Variants in GALNT13 observed in about 807,000 individuals in gnomAD.
The protein encoded by GALNT13 is polypeptide N-acetylgalactosaminyltransferase 13.
A neutral mutation model predicts 64.2 loss-of-function variants in GALNT13; 28 were observed. That is an observed-to-expected ratio of 0.44 (90% CI 0.32 to 0.60). The LOEUF (loss-of-function observed/expected upper bound fraction) is 0.60, where lower values mean the gene tolerates loss of function less well. GALNT13 is among the 20% of genes least tolerant of loss of function. GALNT13 has a pLI of 0.05. For synonymous variants in GALNT13, 214 were observed against 224.6 expected (o/e 0.95, Z 0.42); for missense variants, 577 against 669.8 (o/e 0.86, Z 1.53).
At chr2:153,419,958 A>C in the GALNT13 span, among the ~76,000 whole-genome samples, 1 of 152,196 alleles carries the variant, frequency 6.6e-6, no homozygotes, top group East Asian at 1.9e-4. Context: ...CAACAGACCT[A>C]CCTAAAACAT....
the GALNT13 span, among the ~76,000 whole-genome samples, chr2:153,652,877 C>T: frequency 6.6e-6 from 1 of 151,998 alleles, no homozygotes; most frequent in East Asian, 1.9e-4. Flanking sequence ...GTAAAAAGTT[C>T]ATAGAAAATA....
chr2:153,350,312 T>C, the GALNT13 span, among the ~76,000 whole-genome samples: 2 of 152,158 alleles, frequency 1.3e-5, no homozygotes, highest in African/African-American at 4.8e-5. Context: ...AACGTGTTAG[T>C]AAGTACTTTT....
chr2:153,509,356 G>A, the GALNT13 span, among the ~76,000 whole-genome samples: 3 of 152,226 alleles, frequency 2.0e-5, no homozygotes, highest in Non-Finnish European at 4.4e-5. Flanking sequence ...CCAGTTCCAC[G>A]GAGTGCGCAG....
At chr2:153,984,649 G>A (rs577196494) in intron 3 of GALNT13, among the ~76,000 whole-genome samples, 11 of 151,786 alleles carry the variant, frequency 7.2e-5, no homozygotes, top group African/African-American at 1.9e-4. Context: ...GCATTATGAT[G>A]TGTTTTGACA....
the GALNT13 span, among the ~76,000 whole-genome samples, chr2:153,504,560 C>G: frequency 6.6e-6 from 1 of 152,114 alleles, no homozygotes; most frequent in Non-Finnish European, 1.5e-5. Context: ...TATGTCCCTT[C>G]TATGCCGATT....
At chr2:154,394,967 T>C (rs1698988763) in intron 9 of GALNT13, among the ~76,000 whole-genome samples, 1 of 152,196 alleles carries the variant, frequency 6.6e-6, no homozygotes, top group Admixed American at 6.5e-5. Flanking sequence ...TGGAAAATAG[T>C]GGCTTGGTAA....
chr2:153,111,793 T>C, the GALNT13 span, among the ~76,000 whole-genome samples: 8 of 152,146 alleles, frequency 5.3e-5, no homozygotes, highest in African/African-American at 1.7e-4. Flanking sequence ...TGTCCCTCCT[T>C]GTCTTCCCTC....
At position 154,145,119 on chromosome 2, in the gene GALNT13, T is replaced by C. The variant is rs186180039; in HGVS notation, c.311+4614T>C. 8.4e-4 allele frequency among the ~76,000 whole-genome samples: 115 copies of C among 137,260 alleles called. 1 individual carries two copies. The highest frequency in any genetic ancestry group is 2.2e-3 in the African/African-American group (79 of 36,490). The allele number at this position is 137,260 out of a possible 152,430, so 90.0% of individuals were successfully genotyped here. A position where few individuals can be genotyped will look rare whatever the true frequency, so the allele number is the denominator to read the frequency against. On this transcript the variant is annotated intron_variant, in intron 4 of 12. Coordinates refer to ENST00000392825, the MANE Select transcript of GALNT13 (RefSeq NM_052917.4). Reference sequence around the variant, plus strand: ...ATCTATCTATATATATATATATATATACACACACTAAAAATTTACATATAA... The same window carrying C: ...ATCTATCTATATATATATATATATACACACACACTAAAAATTTACATATAA...
the GALNT13 span, among the ~76,000 whole-genome samples, chr2:153,851,137 A>G: frequency 6.6e-6 from 1 of 152,228 alleles, no homozygotes; most frequent in Non-Finnish European, 1.5e-5. Context: ...TAAGTGATAG[A>G]AAAATCTCAA....
chr2:153,409,328 A>ATATGTATATGTATATATTCC, the GALNT13 span, among the ~76,000 whole-genome samples: 1 of 147,138 alleles, frequency 6.8e-6, no homozygotes, highest in Non-Finnish European at 1.5e-5. Flanking sequence ...GTATATATTC[A>ATATGTATATGTATATATTCC]TATGTATATG....
the GALNT13 span, among the ~76,000 whole-genome samples, chr2:153,512,815 G>T: frequency 6.6e-6 from 1 of 151,972 alleles, no homozygotes; most frequent in South Asian, 2.1e-4. Context: ...TGCGTTTAGG[G>T]GACAGAAAAA....
chr2:153,166,252 A>G, the GALNT13 span, among the ~76,000 whole-genome samples: 1 of 152,180 alleles, frequency 6.6e-6, no homozygotes, highest in African/African-American at 2.4e-5. Flanking sequence ...CTTCTAATCA[A>G]TACAATAGAG....
the GALNT13 span, among the ~76,000 whole-genome samples, chr2:153,535,897 T>C: frequency 6.6e-6 from 1 of 152,126 alleles, no homozygotes; most frequent in African/African-American, 2.4e-5. Flanking sequence ...GACTTAAGTC[T>C]CACAGAAGGG....
the GALNT13 span, among the ~76,000 whole-genome samples, chr2:153,292,404 A>G: frequency 2.0e-5 from 3 of 152,218 alleles, no homozygotes; most frequent in East Asian, 1.9e-4. Context: ...TATAATAACA[A>G]TGCCCTTCCG....
At chr2:153,231,997 T>C in the GALNT13 span, among the ~76,000 whole-genome samples, 1 of 152,186 alleles carries the variant, frequency 6.6e-6, no homozygotes, top group African/African-American at 2.4e-5. Flanking sequence ...GGTTTTGAAC[T>C]GCTGGAAAAA....
the GALNT13 span, among the ~76,000 whole-genome samples, chr2:153,853,369 A>C: frequency 1.3e-5 from 2 of 152,272 alleles, no homozygotes; most frequent in East Asian, 3.9e-4. Flanking sequence ...GTCAACCCTC[A>C]ATATTAACCA....
intron 2 of GALNT13, among the ~76,000 whole-genome samples, chr2:153,917,985 T>C (rs1050681386): frequency 5.9e-5 from 9 of 152,002 alleles, no homozygotes; most frequent in African/African-American, 2.2e-4. Flanking sequence ...CTTCCTTCTC[T>C]CTGTTTTCTC....
At chr2:153,417,448 T>C in the GALNT13 span, among the ~76,000 whole-genome samples, 229 of 152,102 alleles carry the variant, frequency 1.5e-3, 1 homozygote, top group African/African-American at 5.1e-3. Flanking sequence ...AGAATGCAAA[T>C]AGAGAGATGG....
the GALNT13 span, among the ~76,000 whole-genome samples, chr2:153,268,697 C>T: frequency 1.3e-5 from 2 of 152,246 alleles, no homozygotes; most frequent in Admixed American, 6.5e-5. Context: ...AGACTTCTGC[C>T]TGCATGTTCA....
Sources: allele counts gnomAD v4.1 joint callset (sites outside exome capture counted in the v4.1 genomes callset), GRCh38; gene constraint gnomAD v4.1.1; transcripts MANE v1.5; gene names NCBI Gene and HGNC (gene_info 2026-07-23, HGNC 2026-07-21).